The following NEB variants were observed in gnomAD, a reference collection of about 807,000 sequenced individuals.
NEB encodes nebulin, also known as nemaline myopathy type 2.
A neutral mutation model predicts 952.2 loss-of-function variants in NEB; 512 were observed. The ratio of observed to expected loss-of-function variants is 0.54; its 90% CI spans 0.50 to 0.58. The LOEUF (loss-of-function observed/expected upper bound fraction) is 0.58. NEB is among the 20% of genes least tolerant of loss of function. The pLI is 0.00. For synonymous variants in NEB, 2,900 were observed against 3,149.8 expected (o/e 0.92, Z 2.66); for missense variants, 8,428 against 9,231.1 (o/e 0.91, Z 3.56).
In NEB at chr2:151,727,282, T is replaced by A. The variant is rs115574522; in HGVS notation, c.294+409A>T. On this transcript the variant is annotated intron_variant, in intron 5 of 181. Transcript: ENST00000397345. ...TGTTCTTCTTCACTATACACCTCTT[T>A]ACATACCTTTTTATATGCTGTTAGC... is the stretch of plus-strand genomic sequence containing the variant. Among the ~76,000 whole-genome samples, 1,511 of 152,272 alleles carry A rather than the reference T, an allele frequency of 9.9e-3. 26 individuals carry two copies. The highest frequency in any genetic ancestry group is 0.035 in the African/African-American group (1,444 of 41,552).
In NEB at chr2:151,526,032, G is replaced by T. The variant is rs1553646540; in HGVS notation, c.22087C>A (p.Gln7363Lys). 2 of 1,613,898 alleles carry T rather than the reference G, an allele frequency of 1.2e-6. No homozygotes were observed. The highest frequency in any genetic ancestry group is 1.7e-6 in the Non-Finnish European group (2 of 1,179,874). The change falls in exon 150 of 182, where the codon CAG becomes AAG. Residue 7363 changes from glutamine to lysine, a missense_variant. Physicochemically the swap from Gln to Lys is moderately conservative, Grantham distance 53. Transcript: ENST00000397345. ...TCTGGTAGTGTTGTGTATGAGCCCT[G>T]TGCCAAGTGCTTCTTGACATGGTCC... is the stretch of plus-strand genomic sequence containing the variant. ...YKDHVKKHLA[Q>K]GSYTTLPETR...
At position 151,512,759 on chromosome 2, in the gene NEB, G is replaced by T; in HGVS notation, c.23320C>A (p.Gln7774Lys). The change falls in exon 161 of 182, where the codon CAA (glutamine) becomes AAA (lysine). Residue 7774 changes from glutamine to lysine, a missense_variant. Physicochemically the swap from Gln to Lys is moderately conservative, Grantham distance 53. Around this residue, in one of 11 missense-constraint regions of NEB, gnomAD observed 3,374 missense variants for 3,651.5 expected, o/e 0.92. Coordinates refer to ENST00000397345, the MANE Select transcript of NEB (RefSeq NM_001164508.2). Reference protein sequence around the residue: ...VVDTPEIIHAQQVKNLSSQKK... With the variant: ...VVDTPEIIHAKQVKNLSSQKK... ...TGGCTTGAAAGATTCTTGACTTGTT[G>T]GGCATGAATGATCTCTGGAGTATCA... The T allele has an allele frequency of 6.2e-7, 1 of 1,613,570 alleles. No homozygotes were observed. Among genetic ancestry groups the T allele is most frequent in the Non-Finnish European group, 8.5e-7 (1 of 1,179,546 alleles).
Position 151,576,300 on chromosome 2 carries a change from C to G in NEB, c.16759G>C (p.Gly5587Arg), listed in dbSNP as rs2096825589. The G allele has an allele frequency of 6.2e-7, 1 of 1,609,750 alleles. No homozygotes were observed. Among genetic ancestry groups the G allele is most frequent in the African/African-American group, 1.3e-5 (1 of 74,586 alleles). Reference protein sequence around the residue: ...WLRGIGWMPQGSPEVLRVKNA... With the variant: ...WLRGIGWMPQRSPEVLRVKNA... ...TTGACTCTCAACACTTCAGGAGACC[C>G]TTGGGGCATCCAGCCAATGCCACGC... is the stretch of plus-strand genomic sequence containing the variant. The change falls in exon 106 of 182, where the codon GGG becomes CGG. Residue 5587 changes from glycine (G) to arginine (R), a missense_variant. Transcript: ENST00000397345.
intron 57 of NEB, 115 bp downstream of exon 57, chr2:151,643,703 G>T (rs75005333): frequency 2.0e-6 from 3 of 1,469,268 alleles, no homozygotes; most frequent in Non-Finnish European, 1.8e-6. Flanking sequence ...GACTAGATGC[G>T]CTTGGGCATT....
chr2:151,501,724 G>GACTT (rs1468286103), intron 167 of NEB, among the ~76,000 whole-genome samples: 5 of 152,078 alleles, frequency 3.3e-5, no homozygotes, highest in African/African-American at 1.2e-4. Flanking sequence ...GGAGTGGCTT[G>GACTT]ACTTATGTAG....
Position 151,496,315 on chromosome 2 carries a change from C to T in NEB, c.24447G>A (p.Glu8149=). ...GKGTPLAVTP[E]MERVKHNQEN... ...CTTGATTGTGTTTGACTCGCTCCAT[C>T]TCGGGAGTGACAGCTAAAGGAGTTC... The change falls in exon 173 of 182, where the codon GAG becomes GAA. Residue 8149 remains glutamate, a synonymous_variant. Coordinates refer to ENST00000397345, the MANE Select transcript of NEB (RefSeq NM_001164508.2). 1.9e-6 allele frequency: 3 copies of T among 1,612,400 alleles called. No homozygotes were observed. The highest frequency in any genetic ancestry group is 2.7e-5 in the African/African-American group (2 of 74,994).
At position 151,518,480 on chromosome 2, in the gene NEB, T is replaced by G; in HGVS notation, c.22696-58A>C. The G allele has an allele frequency of 3.7e-6, 4 of 1,091,440 alleles. No homozygotes were observed. The South Asian group carries it at 5.3e-5, about 14-fold the overall frequency. 67.6% of individuals were successfully genotyped at this position (1,091,440 alleles called of 1,614,324 possible). A position where few individuals can be genotyped will look rare whatever the true frequency, so the allele number is the denominator to read the frequency against. On this transcript the variant is annotated intron_variant, in intron 155 of 181. Coordinates refer to ENST00000397345, the MANE Select transcript of NEB (RefSeq NM_001164508.2). Reference sequence around the variant, plus strand: ...TGGAGAAGCTGCTCAGCATTCCTATTTTTCCTCTTTAGATTAGACGTTTAC... The same window carrying G: ...TGGAGAAGCTGCTCAGCATTCCTATGTTTCCTCTTTAGATTAGACGTTTAC...
Position 151,493,392 on chromosome 2 carries a change from C to A in NEB, c.24726G>T (p.Glu8242Asp). 6.2e-7 allele frequency: 1 copy of A among 1,612,008 alleles called. No individual in the cohort carries two copies. The highest frequency in any genetic ancestry group is 8.5e-7 in the Non-Finnish European group (1 of 1,179,284). ...CTTGGTTGCGCTTAGCTCTCTCCAT[C>A]TCTGGAGTAACAGGTGTCGGAGTTG... ...RKATPTPVTP[E>D]MERAKRNQEN... is the part of the protein sequence containing the mutation. The change falls in exon 176 of 182, where the codon GAG becomes GAT. Residue 8242 changes from glutamate (E) to aspartate (D), a missense_variant. Coordinates refer to ENST00000397345, the MANE Select transcript of NEB (RefSeq NM_001164508.2).
chr2:151,609,762 A>G (rs1024947398), intron 81 of NEB, 47 bp downstream of exon 81: 3 of 1,526,576 alleles, frequency 2.0e-6, no homozygotes, highest in African/African-American at 1.4e-5. Context: ...GCAATGAACA[A>G]ATCTACATCT....
rs774410460 is a variant in NEB at position 151,526,197 on chromosome 2, C to T, written c.22011G>A (p.Gln7337=). The part of the protein sequence containing the change: ...GTCHAVPDTP[Q]ILLAKTVSNL... ...TGCTGACAGTCTTCGCCAGCAGGAT[C>T]TGAGGCGTGTCAGGTACGGCATGGC... The change falls in exon 149 of 182, where the codon CAG becomes CAA. Residue 7337 remains glutamine, a synonymous_variant. Transcript: ENST00000397345. The T allele has an allele frequency of 1.2e-6, 2 of 1,613,960 alleles. No homozygotes were observed. Among genetic ancestry groups the T allele is most frequent in the East Asian group, 4.5e-5 (2 of 44,866 alleles).
At chr2:151,698,727 T>A (rs1413207359) in intron 13 of NEB, among the ~76,000 whole-genome samples, 1 of 150,120 alleles carries the variant, frequency 6.7e-6, no homozygotes, top group Non-Finnish European at 1.5e-5. Flanking sequence ...AAGCTCTGCC[T>A]CCTGGGTTCA....
rs2085609827 is a variant in NEB, at chr2:151,526,077, A to G, written c.22051-9T>C. On this transcript the variant is annotated splice_polypyrimidine_tract_variant and intron_variant, in intron 149 of 181. Coordinates refer to ENST00000397345, the MANE Select transcript of NEB (RefSeq NM_001164508.2). Reference sequence around the variant, plus strand: ...TGGTCCTTGTACTTGTTCTGGGGGAATCCATAGAGAGCTCATTAAGGCATC... The same window carrying G: ...TGGTCCTTGTACTTGTTCTGGGGGAGTCCATAGAGAGCTCATTAAGGCATC... 6.2e-7 allele frequency: 1 copy of G among 1,612,942 alleles called. No individual in the cohort carries two copies. Among genetic ancestry groups the G allele is most frequent in the Non-Finnish European group, 8.5e-7 (1 of 1,179,062 alleles).
chr2:151,560,753 T>A, intron 123 of NEB, 54 bp from the exon 124 acceptor site: 4 of 1,370,404 alleles, frequency 2.9e-6, no homozygotes, highest in Admixed American at 2.0e-5. Flanking sequence ...CTGGTTAGCT[T>A]CTGAGTAGCA....
Position 151,497,647 on chromosome 2 carries a change from G to C in NEB, c.24279C>G (p.His8093Gln). The C allele has an allele frequency of 1.3e-6, 2 of 1,579,920 alleles. No homozygotes were observed. The highest frequency in any genetic ancestry group is 1.7e-6 in the Non-Finnish European group (2 of 1,160,440). The change falls in exon 171 of 182, where the codon CAC becomes CAG. Residue 8093 changes from histidine (H) to glutamine (Q), a missense_variant. By Grantham distance (24) the His-to-Gln change is conservative. This residue lies in a region of NEB where 3,374 missense variants were observed against 3,651.5 expected (regional missense o/e 0.92). Transcript: ENST00000397345. ...GTACCGAGCTAATATTTTCTTGATTGTGTTTGACTCTTTCCATCTCGGGAG... is the reference window on the plus strand; with the variant it reads ...GTACCGAGCTAATATTTTCTTGATTCTGTTTGACTCTTTCCATCTCGGGAG... ...PVTPEMERVK[H>Q]NQENISSVLY...
intron 34 of NEB, among the ~76,000 whole-genome samples, chr2:151,675,633 T>C (rs946810977): frequency 1.3e-5 from 2 of 152,158 alleles, no homozygotes; most frequent in Non-Finnish European, 2.9e-5. Flanking sequence ...CCAAGATGAA[T>C]GGAAGGTAAA....
chr2:151,696,664 G>T lies in NEB; in HGVS notation c.1542C>A (p.Ala514=). 6.2e-7 allele frequency: 1 copy of T among 1,613,732 alleles called. No homozygotes were observed. Among genetic ancestry groups the T allele is most frequent in the Non-Finnish European group, 8.5e-7 (1 of 1,179,732 alleles). The change falls in exon 17 of 182, where the codon GCC becomes GCA. Residue 514 remains alanine, a synonymous_variant. Transcript: ENST00000397345. ...CACTCAGTTGTTTGGAATTGACTTG[G>T]GCTTGTAGCAGAACAGGAGAGTCTG... ...QVTDSPVLLQ[A]QVNSKQLSDL... is the part of the protein sequence containing the mutation.
Position 151,655,798 on chromosome 2 carries a change from C to A in NEB, c.6702+19G>T. The A allele has an allele frequency of 6.2e-7, 1 of 1,611,100 alleles. No individual in the cohort carries two copies. The highest frequency in any genetic ancestry group is 8.5e-7 in the Non-Finnish European group (1 of 1,177,728). ...TTTCCTCACGTGGGAGCTGTGTGGA[C>A]GGCCACTGTTCTCTGTACCTTGTTC... On this transcript the variant is annotated intron_variant, in intron 50 of 181. Transcript: ENST00000397345.
rs1488617682 is a variant in NEB at position 151,555,336 on chromosome 2, T to C, written c.19315-292A>G. On this transcript the variant is annotated intron_variant, in intron 124 of 181. Coordinates refer to ENST00000397345, the MANE Select transcript of NEB (RefSeq NM_001164508.2). Reference sequence around the variant, plus strand: ...ATTCCTATAGCAATACTAGTACTTTTACTGCTACTACAAGCAATTCATTTT... The same window carrying C: ...ATTCCTATAGCAATACTAGTACTTTCACTGCTACTACAAGCAATTCATTTT... 2.6e-5 allele frequency among the ~76,000 whole-genome samples: 4 copies of C among 152,248 alleles called. No homozygotes were observed. In the East Asian group the frequency reaches 7.7e-4, roughly 29 times the overall value.
intron 67 of NEB, 83 bp downstream of exon 67, chr2:151,630,632 T>C (rs1450640719): frequency 9.1e-7 from 1 of 1,098,354 alleles, no homozygotes; most frequent in African/African-American, 1.6e-5. Context: ...ACATGCACCA[T>C]GACAGCTGAG....
Sources: allele counts gnomAD v4.1 joint callset (sites outside exome capture counted in the v4.1 genomes callset), GRCh38; gene constraint gnomAD v4.1.1; regional missense constraint gnomAD v4.1.1; transcripts MANE v1.5; gene names NCBI Gene and HGNC (gene_info 2026-07-23, HGNC 2026-07-21).